GPRASP3: variants seen among roughly 807,000 people sequenced by gnomAD.
GPRASP3 encodes G protein-coupled receptor associated sorting protein family member 3.
At chrX:102,736,496 TAC>T in the GPRASP3 span, among the ~76,000 whole-genome samples, 1 of 111,838 alleles carries the variant, frequency 8.9e-6, no homozygotes, top group Non-Finnish European at 1.9e-5. Flanking sequence ...GGAGAAAGCA[TAC>T]AGTTTCCAGA....
chrX:102,733,724 A>G, the GPRASP3 span, among the ~76,000 whole-genome samples: 1 of 108,914 alleles, frequency 9.2e-6, no homozygotes. Flanking sequence ...CTTGATATTC[A>G]TGAACATTTC....
At chrX:102,722,299 T>C in the GPRASP3 span, among the ~76,000 whole-genome samples, 4 of 111,890 alleles carry the variant, frequency 3.6e-5, no homozygotes, top group East Asian at 1.1e-3. Context: ...TACTGGTTCA[T>C]TATAAAGGAT....
the GPRASP3 span, among the ~76,000 whole-genome samples, chrX:102,730,922 C>T: frequency 1.8e-5 from 2 of 111,319 alleles, no homozygotes; most frequent in East Asian, 5.6e-4. Flanking sequence ...ATTTTCTTTT[C>T]ACAATAGAAA....
At chrX:102,741,999 G>T in the GPRASP3 span, among the ~76,000 whole-genome samples, 1 of 112,134 alleles carries the variant, frequency 8.9e-6, no homozygotes, top group African/African-American at 3.2e-5. Context: ...ATGTTAAAAA[G>T]AATTTCTTCA....
chrX:102,735,174 G>A, the GPRASP3 span, among the ~76,000 whole-genome samples: 1 of 111,770 alleles, frequency 8.9e-6, no homozygotes, highest in Admixed American at 9.5e-5. Context: ...TTGCATTAGT[G>A]TCAAACCGAA....
the GPRASP3 span, among the ~76,000 whole-genome samples, chrX:102,731,621 A>G: frequency 1.9e-5 from 2 of 107,693 alleles, no homozygotes; most frequent in South Asian, 8.7e-4. Flanking sequence ...CGAGACTCCA[A>G]CTCAAAAAAA....
At chrX:102,750,267 T>A in the GPRASP3 span, 1 of 1,202,975 alleles carries the variant, frequency 8.3e-7, no homozygotes, top group Admixed American at 2.2e-5. Flanking sequence ...GACAGCAATC[T>A]GGATTAAAGA....
the GPRASP3 span, among the ~76,000 whole-genome samples, chrX:102,741,509 C>A: frequency 8.9e-6 from 1 of 112,310 alleles, no homozygotes; most frequent in Non-Finnish European, 1.9e-5. Context: ...AGTTGCTTCA[C>A]CCTCTTGCCT....
chrX:102,749,829 C>T, the GPRASP3 span: 11 of 1,208,763 alleles, frequency 9.1e-6, no homozygotes, highest in Non-Finnish European at 1.2e-5. Context: ...CACAGCCTAT[C>T]CCTGAGTGTC....
At chrX:102,753,201 A>G in the GPRASP3 span, 1 of 123,244 alleles carries the variant, frequency 8.1e-6, no homozygotes, top group African/African-American at 3.2e-5. Context: ...ATTTCCTGTA[A>G]TTGTGTATAA....
chrX:102,736,079 C>G, the GPRASP3 span, among the ~76,000 whole-genome samples: 3 of 111,751 alleles, frequency 2.7e-5, no homozygotes, highest in African/African-American at 9.8e-5. Flanking sequence ...TGTCGTTAGG[C>G]CTTATCTAGT....
the GPRASP3 span, among the ~76,000 whole-genome samples, chrX:102,734,922 A>G: frequency 8.9e-6 from 1 of 112,021 alleles, no homozygotes; most frequent in East Asian, 2.8e-4. Context: ...TTTGGACTTT[A>G]GAGGACCTAA....
chrX:102,733,759 G>A, the GPRASP3 span, among the ~76,000 whole-genome samples: 1 of 109,690 alleles, frequency 9.1e-6, no homozygotes, highest in East Asian at 2.9e-4. Context: ...GTCCTGAAAC[G>A]TATTTTTTCC....
the GPRASP3 span, among the ~76,000 whole-genome samples, chrX:102,723,279 A>G: frequency 7.2e-5 from 8 of 111,840 alleles, no homozygotes; most frequent in Non-Finnish European, 1.1e-4. Flanking sequence ...TCCTATCCTT[A>G]TGTTTATACC....
chrX:102,738,493 T>A, the GPRASP3 span, among the ~76,000 whole-genome samples: 2 of 111,583 alleles, frequency 1.8e-5, no homozygotes, highest in East Asian at 5.7e-4. Context: ...TTCATCTTTT[T>A]TCCAATGGTA....
At chrX:102,742,723 G>T in the GPRASP3 span, among the ~76,000 whole-genome samples, 1 of 111,479 alleles carries the variant, frequency 9.0e-6, no homozygotes, top group East Asian at 2.8e-4. Context: ...GATTCGTGAA[G>T]GTCAGGGGCA....
chrX:102,729,871 C>G, the GPRASP3 span, among the ~76,000 whole-genome samples: 1 of 111,519 alleles, frequency 9.0e-6, no homozygotes, highest in Non-Finnish European at 1.9e-5. Context: ...ATGGGATTAT[C>G]AGTAGACTGG....
the GPRASP3 span, chrX:102,749,466 C>G: frequency 8.3e-7 from 1 of 1,211,277 alleles, no homozygotes; most frequent in Non-Finnish European, 1.1e-6. Context: ...CGGCTGGGGC[C>G]GATTGCAAAC....
chrX:102,726,690 G>A, the GPRASP3 span, among the ~76,000 whole-genome samples: 1,561 of 112,388 alleles, frequency 0.014, 24 homozygotes, highest in African/African-American at 0.049. Context: ...CTGTAAATGT[G>A]TCTTTCTCAA....
Sources: gnomAD v4.1 joint callset for allele counts (sites outside exome capture counted in the v4.1 genomes callset) on GRCh38, gnomAD v4.1.1 for gene constraint, MANE v1.5 for transcripts, NCBI Gene and HGNC (gene_info 2026-07-23, HGNC 2026-07-21) for gene names.